ESRRG: variants seen among roughly 807,000 people sequenced by gnomAD.
The protein encoded by ESRRG is estrogen related receptor gamma.
Under a neutral mutation model 44.0 loss-of-function variants are expected in ESRRG, and 13 were observed. The ratio of observed to expected loss-of-function variants is 0.30; its 90% CI spans 0.19 to 0.47. The LOEUF is 0.47. Ranked by LOEUF, ESRRG falls within the 20% of genes least tolerant of loss-of-function variation. The probability of loss-of-function intolerance (pLI) is 1.00; values close to 1 mark genes in which losing one functional copy is unlikely to be tolerated. For missense variants in ESRRG, 395 were observed against 580.6 expected, an observed-to-expected ratio of 0.68 and a Z score of 3.29; for synonymous variants, 215 against 214.6, an observed-to-expected ratio of 1.00 and a Z score of -0.02.
At chr1:216,634,500 A>C (rs2064891797) in intron 3 of ESRRG, among the ~76,000 whole-genome samples, 1 of 152,172 alleles carries the variant, frequency 6.6e-6, no homozygotes, top group African/African-American at 2.4e-5. Flanking sequence ...CAGACTTTAC[A>C]ATTCTCCCTA....
chr1:216,908,961 C>T (rs2060001960), intron 2 of ESRRG, among the ~76,000 whole-genome samples: 1 of 151,730 alleles, frequency 6.6e-6, no homozygotes, highest in African/African-American at 2.4e-5. Flanking sequence ...ATGCATACAA[C>T]AGATAAAGAG....
chr1:217,068,658 C>A (rs1329367375), intron 1 of ESRRG, among the ~76,000 whole-genome samples: 2 of 152,052 alleles, frequency 1.3e-5, no homozygotes, highest in Non-Finnish European at 2.9e-5. Flanking sequence ...AGAAATACAT[C>A]GAGAAAAACA....
intron 2 of ESRRG, among the ~76,000 whole-genome samples, chr1:216,674,729 C>T (rs1055137428): frequency 2.7e-5 from 4 of 150,890 alleles, no homozygotes; most frequent in Non-Finnish European, 4.4e-5. Context: ...TCTGCCTCAA[C>T]CTTTCCAGTA....
At chr1:216,789,617 G>A (rs2094247761) in intron 2 of ESRRG, among the ~76,000 whole-genome samples, 1 of 152,092 alleles carries the variant, frequency 6.6e-6, no homozygotes, top group Admixed American at 6.6e-5. Flanking sequence ...TCCGAGGTAT[G>A]CCTGTAACTG....
In ESRRG at chr1:216,912,107, GAAGAAAAGAA is replaced by G. The variant is rs763291110; in HGVS notation, c.-14+27465_-14+27474del. Among the ~76,000 whole-genome samples, 485 of 74,348 alleles carry G rather than the reference GAAGAAAAGAA, an allele frequency of 6.5e-3. 16 individuals carry two copies. Among genetic ancestry groups the G allele is most frequent in the South Asian group, 9.9e-3 (21 of 2,120 alleles). 48.8% of individuals were successfully genotyped at this position (74,348 alleles called of 152,430 possible). ...GAGCAAGACCCACCCTGTAAAAAAA[GAAGAAAAGAA>G]AAGAAAAGAAAAGAAAAGAAAAGAA... On this transcript the variant is annotated intron_variant, in intron 2 of 7. Transcript: ENST00000359162.
At chr1:216,874,440 G>A (rs2096313974) in intron 2 of ESRRG, among the ~76,000 whole-genome samples, 1 of 152,096 alleles carries the variant, frequency 6.6e-6, no homozygotes, top group Non-Finnish European at 1.5e-5. Context: ...AAAGTTTGAA[G>A]AATAATATAA....
chr1:216,579,363 A>G (rs1171087877), intron 3 of ESRRG, among the ~76,000 whole-genome samples: 1 of 152,154 alleles, frequency 6.6e-6, no homozygotes, highest in African/African-American at 2.4e-5. Context: ...ACGTATGTGT[A>G]TTCATAGTTA....
chr1:216,811,139 A>T (rs2094955807), intron 2 of ESRRG, among the ~76,000 whole-genome samples: 1 of 152,200 alleles, frequency 6.6e-6, no homozygotes, highest in Non-Finnish European at 1.5e-5. Context: ...TCCTTTTTAA[A>T]TAAGAGATGA....
intron 5 of ESRRG, among the ~76,000 whole-genome samples, chr1:216,537,613 C>T (rs2051372395): frequency 6.6e-6 from 1 of 151,910 alleles, no homozygotes; most frequent in South Asian, 2.1e-4. Context: ...ACTTTTGCAG[C>T]CTTTACTTTA....
intron 1 of ESRRG, among the ~76,000 whole-genome samples, chr1:217,112,517 C>G (rs1038426562): frequency 2.0e-5 from 3 of 152,116 alleles, no homozygotes; most frequent in African/African-American, 7.2e-5. Context: ...GACAGTGTAC[C>G]TAAAGGTCTT....
chr1:216,897,002 A>C (rs1239944913), intron 2 of ESRRG, among the ~76,000 whole-genome samples: 1 of 152,154 alleles, frequency 6.6e-6, no homozygotes, highest in African/African-American at 2.4e-5. Flanking sequence ...TTTTTTTGCC[A>C]CATTTTGGAA....
At chr1:217,123,414 C>T (rs72743328) in intron 1 of ESRRG, among the ~76,000 whole-genome samples, 11,077 of 152,086 alleles carry the variant, frequency 0.073, 493 homozygotes, top group East Asian at 0.22. Context: ...ACAATTCTTC[C>T]TTTTTCTGCT....
At chr1:217,025,791 G>A (rs1289020440) in intron 1 of ESRRG, among the ~76,000 whole-genome samples, 1 of 152,136 alleles carries the variant, frequency 6.6e-6, no homozygotes, top group African/African-American at 2.4e-5. Flanking sequence ...TTTTTAAGAG[G>A]AAGGGCCCTG....
In ESRRG at chr1:216,723,379, A is replaced by G; in HGVS notation, c.-80T>C. 7.4e-7 allele frequency: 1 copy of G among 1,342,578 alleles called. No individual in the cohort carries two copies. The highest frequency in any genetic ancestry group is 1.4e-5 in the African/African-American group (1 of 69,750). The allele number at this position is 1,342,578 out of a possible 1,614,324, so 83.2% of individuals were successfully genotyped here. A position where few individuals can be genotyped will look rare whatever the true frequency, so the allele number is the denominator to read the frequency against. On this transcript the variant is annotated 5_prime_UTR_variant, in exon 1 of 7. Coordinates refer to ENST00000408911, the MANE Select transcript of ESRRG (RefSeq NM_001438.4). ...ACAGAGCACAGTGCAATTAACACAA[A>G]TGTTCTCCTAGTGACAAGCCTATAG...
intron 6 of ESRRG, among the ~76,000 whole-genome samples, chr1:216,511,922 A>G (rs534390362): frequency 2.0e-5 from 3 of 152,326 alleles, no homozygotes; most frequent in South Asian, 4.1e-4. Context: ...ATTTTTTTCA[A>G]TAGGACACCA....
chr1:216,707,514 GTGAAAGT>G, intron 1 of ESRRG: 1 of 1,518,338 alleles, frequency 6.6e-7, no homozygotes, highest in Non-Finnish European at 8.8e-7. Flanking sequence ...GAAAGTTAGG[GTGAAAGT>G]TGCAATTTGC....
chr1:217,049,843 T>G (rs1329046820), intron 1 of ESRRG, among the ~76,000 whole-genome samples: 1 of 152,140 alleles, frequency 6.6e-6, no homozygotes, highest in Non-Finnish European at 1.5e-5. Context: ...GAAAAGAAAG[T>G]GATCCAGAAT....
chr1:216,760,815 T>C (rs1364362032), intron 2 of ESRRG, among the ~76,000 whole-genome samples: 1 of 152,070 alleles, frequency 6.6e-6, no homozygotes, highest in East Asian at 1.9e-4. Context: ...TAATCAATAG[T>C]CATTGATCGT....
At chr1:217,090,390 C>T (rs1400009417), upstream of ESRRG, 1 of 151,982 alleles carries the variant, frequency 6.6e-6, no homozygotes, top group Non-Finnish European at 1.5e-5. Flanking sequence ...CCTACCCAAC[C>T]CACCTCCCAA....
Sources: allele counts gnomAD v4.1 joint callset (sites outside exome capture counted in the v4.1 genomes callset), GRCh38; gene constraint gnomAD v4.1.1; transcripts MANE v1.5; gene names NCBI Gene and HGNC (gene_info 2026-07-23, HGNC 2026-07-21).